ITGA3: variants seen among roughly 807,000 people sequenced by gnomAD.
ITGA3 encodes the protein integrin alpha-3.
In ITGA3, 70 loss-of-function variants were observed where a neutral mutation model predicts 131.1. The ratio of observed to expected loss-of-function variants is 0.53; its 90% CI spans 0.44 to 0.65. The LOEUF (loss-of-function observed/expected upper bound fraction) is 0.65. Ranked by LOEUF, ITGA3 falls within the 30% of genes least tolerant of loss-of-function variation. The pLI is 0.00. For synonymous variants in ITGA3, 537 were observed against 571.6 expected (o/e 0.94, Z 0.86); for missense variants, 1,098 against 1,388.6 (o/e 0.79, Z 3.33).
Position 50,088,299 on chromosome 17 carries a change from G to A in ITGA3, c.3120G>A (p.Gln1040=). Reference sequence around the variant, plus strand: ...GGCAGAAGGCGGAGATGAAGAGCCAGCCGTCAGAGACAGAGAGGCTGACCG... The same window carrying A: ...GGCAGAAGGCGGAGATGAAGAGCCAACCGTCAGAGACAGAGAGGCTGACCG... ...AKRQKAEMKS[Q]PSETERLTDD... is the part of the protein sequence containing the mutation. Residue 1040 remains glutamine (Q), a synonymous_variant, in exon 25 of 26, where the codon CAG becomes CAA. Coordinates refer to ENST00000320031, the MANE Select transcript of ITGA3 (RefSeq NM_002204.4). 1 of 1,588,694 alleles carries A rather than the reference G, an allele frequency of 6.3e-7. No individual in the cohort carries two copies. Among genetic ancestry groups the A allele is most frequent in the South Asian group, 1.1e-5 (1 of 87,444 alleles).
chr17:50,079,630 C>G lies in ITGA3; in HGVS notation c.2706+73C>G, dbSNP rs1002336967. Reference sequence around the variant, plus strand: ...AGGGTGCCTGGGCACCAGGGGCACACAAAGCAAGGGAGACCTCAGTGTGAT... The same window carrying G: ...AGGGTGCCTGGGCACCAGGGGCACAGAAAGCAAGGGAGACCTCAGTGTGAT... On this transcript the variant is annotated intron_variant, in intron 21 of 25. Coordinates refer to ENST00000320031, the MANE Select transcript of ITGA3 (RefSeq NM_002204.4). 2.1e-6 allele frequency: 3 copies of G among 1,430,650 alleles called. No homozygotes were observed. In the Admixed American group the frequency reaches 8.6e-5, roughly 41 times the overall value. The allele number at this position is 1,430,650 out of a possible 1,614,324, so 88.6% of individuals were successfully genotyped here. A position where few individuals can be genotyped will look rare whatever the true frequency, so the allele number is the denominator to read the frequency against.
At chr17:50,080,578 C>T (rs1046145372) in intron 22 of ITGA3, among the ~76,000 whole-genome samples, 1 of 151,566 alleles carries the variant, frequency 6.6e-6, no homozygotes, top group African/African-American at 2.4e-5. Flanking sequence ...GTCCATTATT[C>T]TGTTATGTGT....
intron 6 of ITGA3, 28 bp downstream of exon 6, chr17:50,071,546 C>T: frequency 1.3e-6 from 2 of 1,571,080 alleles, no homozygotes; most frequent in Non-Finnish European, 1.7e-6. Context: ...TCCTCTGGGG[C>T]CAGGGAGAGC....
Position 50,078,105 on chromosome 17 carries a change from G to C in ITGA3, c.2199G>C (p.Gln733His). The change falls in exon 17 of 26, where the codon CAG becomes CAC. Residue 733 changes from glutamine (Q) to histidine (H), a missense_variant. Around this residue, in one of 3 missense-constraint regions of ITGA3, gnomAD observed 699 missense variants for 829.2 expected, o/e 0.84. Transcript: ENST00000320031. ...IGVTLHTRDL[Q>H]VQLQLSTSSH... ...TGACCCTGCACACAAGGGACCTTCA[G>C]GTGCAGCTGCAGCTCTCCACGTGAG... The C allele has an allele frequency of 6.2e-7, 1 of 1,613,806 alleles. No individual in the cohort carries two copies. The highest frequency in any genetic ancestry group is 1.1e-5 in the South Asian group (1 of 91,084).
chr17:50,076,921 G>T, intron 14 of ITGA3, 53 bp from the exon 15 acceptor site: 1 of 1,565,906 alleles, frequency 6.4e-7, no homozygotes, highest in East Asian at 2.3e-5. Context: ...TAGTTGATCC[G>T]GGAGTGCCCT....
At chr17:50,073,538 CTA>C (rs1908724652) in intron 7 of ITGA3, among the ~76,000 whole-genome samples, 1 of 151,682 alleles carries the variant, frequency 6.6e-6, no homozygotes, top group African/African-American at 2.4e-5. Flanking sequence ...CTGCAGTGAG[CTA>C]TGACTGTGCC....
At chr17:50,066,461 A>G (rs1474965840) in intron 3 of ITGA3, among the ~76,000 whole-genome samples, 1 of 151,968 alleles carries the variant, frequency 6.6e-6, no homozygotes, top group Non-Finnish European at 1.5e-5. Context: ...TTGGGATTAT[A>G]GGCAAGAGCA....
At chr17:50,073,624 A>ACG (rs1567700159) in intron 7 of ITGA3, among the ~76,000 whole-genome samples, 1 of 137,392 alleles carries the variant, frequency 7.3e-6, no homozygotes, top group Non-Finnish European at 1.6e-5. Context: ...ACACACACAC[A>ACG]CACACACACG....
rs868296100 is a variant in ITGA3, at chr17:50,056,416, G to C, written c.-24G>C. On this transcript the variant is annotated 5_prime_UTR_variant, in exon 1 of 26. Transcript: ENST00000320031. This position sits in a 1 kb window ranked among gnomAD's most constrained non-coding sequence, Gnocchi z 5.6. ...CTCCGCGCCCTCACGCGCTCTCGCCGGGACCCCGCTTCCGCTGGCAGCCAT... is the reference window on the plus strand; with the variant it reads ...CTCCGCGCCCTCACGCGCTCTCGCCCGGACCCCGCTTCCGCTGGCAGCCAT... The C allele has an allele frequency of 1.4e-6, 2 of 1,452,346 alleles. No individual in the cohort carries two copies. Among genetic ancestry groups the C allele is most frequent in the Non-Finnish European group, 1.8e-6 (2 of 1,106,162 alleles). The allele number at this position is 1,452,346 out of a possible 1,614,324, so 90.0% of individuals were successfully genotyped here.
chr17:50,072,067 C>T lies in ITGA3; in HGVS notation c.1041C>T (p.Asn347=), dbSNP rs1288710428. 1 of 1,613,974 alleles carries T rather than the reference C, an allele frequency of 6.2e-7. No individual in the cohort carries two copies. The stretch of plus-strand genomic sequence containing the variant: ...GGGGTGCCATCTATGTCTTCATGAA[C>T]CAGGCGGGAACCTCCTTCCCTGCTC... ...EVGGAIYVFM[N]QAGTSFPAHP... The change falls in exon 7 of 26, where the codon AAC becomes AAT. Residue 347 remains asparagine (N), a synonymous_variant. Coordinates refer to ENST00000320031, the MANE Select transcript of ITGA3 (RefSeq NM_002204.4).
intron 23 of ITGA3, among the ~76,000 whole-genome samples, chr17:50,082,237 A>G (rs1455509961): frequency 6.6e-6 from 1 of 152,008 alleles, no homozygotes; most frequent in Non-Finnish European, 1.5e-5. Flanking sequence ...CCAGGCTGGA[A>G]TGCAGTGGCG....
intron 12 of ITGA3, 135 bp from the exon 13 acceptor site, chr17:50,076,191 G>C (rs1481507025): frequency 1.0e-6 from 1 of 965,808 alleles, no homozygotes; most frequent in African/African-American, 1.7e-5. Context: ...CCGGACTGGA[G>C]GGAGTTCAGC....
intron 1 of ITGA3, among the ~76,000 whole-genome samples, chr17:50,062,685 C>A (rs1908148710): frequency 6.6e-6 from 1 of 152,244 alleles, no homozygotes; most frequent in South Asian, 2.1e-4. Context: ...CCCTGCACTG[C>A]CCTGCCCTGC....
intron 6 of ITGA3, 67 bp from the exon 7 acceptor site, chr17:50,071,919 C>G: frequency 7.0e-7 from 1 of 1,432,012 alleles, no homozygotes; most frequent in Non-Finnish European, 9.6e-7. Context: ...TCACACCTGT[C>G]AAACAAGAAC....
chr17:50,069,084 G>A (rs1230611279), intron 4 of ITGA3, among the ~76,000 whole-genome samples: 2 of 151,978 alleles, frequency 1.3e-5, no homozygotes, highest in East Asian at 1.9e-4. Context: ...TCCTGACCTC[G>A]TGATCCGCTC....
In ITGA3 at chr17:50,089,200, G is replaced by A. The variant is rs761956618; in HGVS notation, c.*122G>A. 2.5e-6 allele frequency: 4 copies of A among 1,613,642 alleles called. No homozygotes were observed. The highest frequency in any genetic ancestry group is 2.7e-5 in the African/African-American group (2 of 74,892). On this transcript the variant is annotated 3_prime_UTR_variant, in exon 26 of 26. Coordinates refer to ENST00000320031, the MANE Select transcript of ITGA3 (RefSeq NM_002204.4). ...GGAGGAGGAGCGCTACCCACCTCCA[G>A]GGAGCACCCTGCCCACCAAGAAGCA...
rs1909660958 is a variant in ITGA3 at position 50,090,348 on chromosome 17, C to T, written c.*1270C>T. ...AGTTCCAGAAAACCTCTCCTGACCC[C>T]TGCCTGTTGGCAGGCCCACTCCCCA... On this transcript the variant is annotated 3_prime_UTR_variant, in exon 26 of 26. Transcript: ENST00000320031. 1 of 427,152 alleles carries T rather than the reference C, an allele frequency of 2.3e-6. No homozygotes were observed. The highest frequency in any genetic ancestry group is 2.4e-5 in the Admixed American group (1 of 41,274). 26.5% of individuals were successfully genotyped at this position (427,152 alleles called of 1,614,324 possible). A position where few individuals can be genotyped will look rare whatever the true frequency, so the allele number is the denominator to read the frequency against.
Position 50,072,111 on chromosome 17 carries a change from A to G in ITGA3, c.1085A>G (p.His362Arg). The change falls in exon 7 of 26, where the codon CAT (histidine) becomes CGT (arginine). Residue 362 changes from histidine to arginine, a missense_variant. Physicochemically the swap from His to Arg is conservative, Grantham distance 29. This residue lies in a region of ITGA3 where 356 missense variants were observed against 529.2 expected (regional missense o/e 0.67). Coordinates refer to ENST00000320031, the MANE Select transcript of ITGA3 (RefSeq NM_002204.4). ...SFPAHPSLLLHGPSGSAFGLS... is the reference protein window; with the variant it reads ...SFPAHPSLLLRGPSGSAFGLS... ...CCTGCTCACCCCTCACTCCTTCTTCATGGCCCCAGTGGCTCTGCCTTTGGT... is the reference window on the plus strand; with the variant it reads ...CCTGCTCACCCCTCACTCCTTCTTCGTGGCCCCAGTGGCTCTGCCTTTGGT... 1 of 1,613,962 alleles carries G rather than the reference A, an allele frequency of 6.2e-7. No individual in the cohort carries two copies. The highest frequency in any genetic ancestry group is 8.5e-7 in the Non-Finnish European group (1 of 1,179,972).
intron 7 of ITGA3, among the ~76,000 whole-genome samples, chr17:50,073,634 GCA>G (rs929136109): frequency 1.5e-4 from 19 of 122,702 alleles, no homozygotes; most frequent in African/African-American, 5.7e-4. Context: ...ACACACACAC[GCA>G]CACACGCACA....
Sources: allele counts gnomAD v4.1 joint callset (sites outside exome capture counted in the v4.1 genomes callset), GRCh38; gene constraint gnomAD v4.1.1; regional missense constraint gnomAD v4.1.1; non-coding constraint Gnocchi (gnomAD v3.1); transcripts MANE v1.5; gene names NCBI Gene and HGNC (gene_info 2026-07-23, HGNC 2026-07-21).